The following GPHN variants were observed in gnomAD, a reference collection of about 807,000 sequenced individuals.
GPHN encodes gephyrin.
GPHN carries 17 observed loss-of-function variants against 95.5 expected under a neutral mutation model. That is an observed-to-expected ratio of 0.18 (90% CI 0.12 to 0.27). The LOEUF (loss-of-function observed/expected upper bound fraction) is 0.27. Among genes scored for constraint, GPHN ranks in the 10% least tolerant of loss-of-function variants. The probability of loss-of-function intolerance (pLI) is 1.00; values close to 1 mark genes in which losing one functional copy is unlikely to be tolerated. For synonymous variants in GPHN, 320 were observed against 322.5 expected (o/e 0.99, Z 0.08); for missense variants, 660 against 978.1 (o/e 0.67, Z 4.34).
the GPHN span, among the ~76,000 whole-genome samples, chr14:67,578,947 T>C: frequency 6.6e-6 from 1 of 152,214 alleles, no homozygotes; most frequent in African/African-American, 2.4e-5. This position sits in a 1 kb window ranked among gnomAD's most constrained non-coding sequence, Gnocchi z 5.0. Context: ...AAAATATCCA[T>C]GCCAGCAACC....
chr14:66,777,542 ATCC>A (rs976583634), intron 3 of GPHN, among the ~76,000 whole-genome samples: 162 of 152,248 alleles, frequency 1.1e-3, no homozygotes, highest in Middle Eastern at 3.4e-3. Flanking sequence ...TTAGACCAAT[ATCC>A]TTGATGAACA....
chr14:67,020,221 G>A (rs1296615142), intron 9 of GPHN, among the ~76,000 whole-genome samples: 2 of 152,102 alleles, frequency 1.3e-5, no homozygotes, highest in Non-Finnish European at 2.9e-5. Flanking sequence ...AACGTAAGTT[G>A]AAATGTTCTC....
At chr14:67,711,389 T>A in the GPHN span, among the ~76,000 whole-genome samples, 4 of 152,354 alleles carry the variant, frequency 2.6e-5, no homozygotes, top group African/African-American at 4.8e-5. Context: ...TTAAGACATT[T>A]CTAATATTAC....
the GPHN span, chr14:67,587,598 G>A: frequency 6.9e-6 from 2 of 290,006 alleles, no homozygotes; most frequent in Non-Finnish European, 1.3e-5. Context: ...TTTCTTTCTG[G>A]GGGGGGCGGG....
At chr14:67,592,806 G>C in the GPHN span, 1 of 867,102 alleles carries the variant, frequency 1.2e-6, no homozygotes, top group Admixed American at 2.1e-5. Context: ...TTATTTTTGA[G>C]ACAGAGTCTC....
chr14:67,552,960 A>G, the GPHN span, among the ~76,000 whole-genome samples: 1 of 152,164 alleles, frequency 6.6e-6, no homozygotes, highest in Non-Finnish European at 1.5e-5. Context: ...CCGGAGGGGA[A>G]AAAATGCTCG....
At chr14:67,184,957 T>G (rs941997196), downstream of GPHN, among the ~76,000 whole-genome samples, 5 of 151,290 alleles carry the variant, frequency 3.3e-5, no homozygotes, top group African/African-American at 1.2e-4. Flanking sequence ...AGGAGGAGAG[T>G]CTCAAGAAGG....
At chr14:66,676,016 A>G (rs941992957) in intron 1 of GPHN, among the ~76,000 whole-genome samples, 7 of 151,966 alleles carry the variant, frequency 4.6e-5, no homozygotes, top group African/African-American at 1.7e-4. Context: ...TTATCCTTTT[A>G]TAGATTCAGG....
At chr14:66,802,027 A>G (rs767640446) in intron 3 of GPHN, among the ~76,000 whole-genome samples, 25 of 152,162 alleles carry the variant, frequency 1.6e-4, no homozygotes, top group Non-Finnish European at 1.9e-4. Context: ...CAAAGCCAAC[A>G]GGGCCTATTT....
the GPHN span, among the ~76,000 whole-genome samples, chr14:67,409,759 G>A: frequency 2.6e-5 from 4 of 152,068 alleles, no homozygotes; most frequent in East Asian, 7.7e-4. Flanking sequence ...GGCTTCCAAC[G>A]CAGGCCCTGC....
chr14:67,046,736 G>C (rs1448597258), intron 10 of GPHN, among the ~76,000 whole-genome samples: 1 of 152,146 alleles, frequency 6.6e-6, no homozygotes, highest in Non-Finnish European at 1.5e-5. Context: ...TAGAAAAGTT[G>C]TAAAACTATT....
chr14:67,477,284 C>G, the GPHN span, among the ~76,000 whole-genome samples: 2 of 152,214 alleles, frequency 1.3e-5, no homozygotes, highest in Non-Finnish European at 2.9e-5. Context: ...TCAGCCTTTT[C>G]CTCACAATCC....
chr14:67,114,500 G>C (rs1311260150), intron 16 of GPHN, among the ~76,000 whole-genome samples: 1 of 152,218 alleles, frequency 6.6e-6, no homozygotes, highest in African/African-American at 2.4e-5. Flanking sequence ...AAACCAGCCT[G>C]GGCAACATAG....
the GPHN span, among the ~76,000 whole-genome samples, chr14:67,340,910 G>C: frequency 6.6e-6 from 1 of 152,252 alleles, no homozygotes; most frequent in Admixed American, 6.5e-5. Context: ...TCCTAACTGC[G>C]AGTGATCCGC....
At chr14:66,867,406 A>G (rs2063266611) in intron 4 of GPHN, among the ~76,000 whole-genome samples, 2 of 152,204 alleles carry the variant, frequency 1.3e-5, no homozygotes, top group African/African-American at 4.8e-5. Context: ...CTTTTACAAT[A>G]ATGTGACTCT....
At chr14:67,201,725 A>G in the GPHN span, 5,201 of 342,786 alleles carry the variant, frequency 0.015, 62 homozygotes, top group Middle Eastern at 0.054. Flanking sequence ...CTGTTAATCC[A>G]GAAGAAGAGG....
chr14:67,307,535 G>A, the GPHN span, among the ~76,000 whole-genome samples: 1 of 152,124 alleles, frequency 6.6e-6, no homozygotes, highest in East Asian at 1.9e-4. Flanking sequence ...TAACTGTGTT[G>A]TAAAGAAAAG....
intron 3 of GPHN, among the ~76,000 whole-genome samples, chr14:66,796,657 T>C (rs2060167872): frequency 6.6e-6 from 1 of 151,916 alleles, no homozygotes; most frequent in African/African-American, 2.4e-5. Flanking sequence ...ATATTTTGCC[T>C]ATTTTTAAAT....
chr14:67,640,827 T>C, the GPHN span, among the ~76,000 whole-genome samples: 5 of 152,194 alleles, frequency 3.3e-5, no homozygotes, highest in South Asian at 8.3e-4. Context: ...TCTTAAAGTG[T>C]TGGACTCATG....
Sources: gnomAD v4.1 joint callset for allele counts (sites outside exome capture counted in the v4.1 genomes callset) on GRCh38, gnomAD v4.1.1 for gene constraint, Gnocchi (gnomAD v3.1) non-coding constraint, MANE v1.5 for transcripts, NCBI Gene and HGNC (gene_info 2026-07-23, HGNC 2026-07-21) for gene names.